The following MBD5 variants were observed in gnomAD, a reference collection of about 807,000 sequenced individuals.
The protein encoded by MBD5 is methyl-CpG binding domain protein 5, also known as methyl-CpG-binding domain protein 5.
A neutral mutation model predicts 117.3 loss-of-function variants in MBD5; 13 were observed. That is an observed-to-expected ratio of 0.11 (90% CI 0.07 to 0.18). MBD5 has a LOEUF of 0.18. MBD5 is among the 10% of genes least tolerant of loss of function. The pLI, the probability that MBD5 is intolerant of heterozygous loss-of-function variation, is 1.00. For synonymous variants in MBD5, 727 were observed against 766.4 expected, an observed-to-expected ratio of 0.95 and a Z score of 0.85; for missense variants, 1,879 against 2,093.8, an observed-to-expected ratio of 0.90 and a Z score of 2.00.
At chr2:148,064,840 GA>G (rs1573973328) in intron 1 of MBD5, among the ~76,000 whole-genome samples, 1 of 151,980 alleles carries the variant, frequency 6.6e-6, no homozygotes, top group Non-Finnish European at 1.5e-5. Context: ...ATTGATGTAT[GA>G]AAAACAGAAT....
chr2:148,457,162 T>C (rs1028383807), intron 4 of MBD5, among the ~76,000 whole-genome samples: 2 of 152,164 alleles, frequency 1.3e-5, no homozygotes, highest in African/African-American at 4.8e-5. Flanking sequence ...TTTAACACAG[T>C]TTTTCAGAGT....
intron 1 of MBD5, among the ~76,000 whole-genome samples, chr2:148,068,201 G>T (rs1362201268): frequency 1.3e-5 from 2 of 152,020 alleles, no homozygotes; most frequent in Non-Finnish European, 2.9e-5. Flanking sequence ...CGATCTAAGA[G>T]GCCAGGAAAA....
intron 2 of MBD5, among the ~76,000 whole-genome samples, chr2:148,210,484 G>C (rs1424531516): frequency 6.6e-6 from 1 of 151,352 alleles, no homozygotes; most frequent in African/African-American, 2.4e-5. Context: ...TTTTAATATT[G>C]TTAAACTTTT....
At chr2:148,441,133 C>T (rs60061051) in intron 4 of MBD5, among the ~76,000 whole-genome samples, 39,315 of 151,702 alleles carry the variant, frequency 0.26, 6,093 homozygotes, top group African/African-American at 0.43. Flanking sequence ...ACTTTAAGTT[C>T]TAGGGTACAT....
intron 7 of MBD5, 45 bp from the exon 8 acceptor site, chr2:148,468,296 G>T: frequency 6.5e-7 from 1 of 1,530,032 alleles, no homozygotes; most frequent in Non-Finnish European, 9.0e-7. Flanking sequence ...CACCACAAAA[G>T]AGTTGAGACT....
chr2:148,242,710 G>A (rs1190636658), intron 3 of MBD5, among the ~76,000 whole-genome samples: 1 of 152,106 alleles, frequency 6.6e-6, no homozygotes, highest in Non-Finnish European at 1.5e-5. Context: ...TATATAATGA[G>A]CTATTCTATT....
chr2:148,474,843 C>T (rs758373567), intron 8 of MBD5, among the ~76,000 whole-genome samples: 14 of 152,056 alleles, frequency 9.2e-5, no homozygotes, highest in Admixed American at 2.0e-4. Flanking sequence ...CACAAAAGAA[C>T]ACTTTGGGTA....
At chr2:148,407,913 A>G (rs141175184) in intron 4 of MBD5, among the ~76,000 whole-genome samples, 62 of 152,294 alleles carry the variant, frequency 4.1e-4, no homozygotes, top group South Asian at 2.3e-3. Context: ...TTCTGACAAA[A>G]ACAACCAATC....
intron 4 of MBD5, among the ~76,000 whole-genome samples, chr2:148,379,385 G>C (rs967908220): frequency 6.6e-6 from 1 of 151,974 alleles, no homozygotes; most frequent in Non-Finnish European, 1.5e-5. Flanking sequence ...GAAAATACTT[G>C]TCAACCTAAG....
At chr2:148,450,038 T>C (rs1432535183) in intron 4 of MBD5, among the ~76,000 whole-genome samples, 1 of 152,106 alleles carries the variant, frequency 6.6e-6, no homozygotes, top group Non-Finnish European at 1.5e-5. Flanking sequence ...TATAATTATA[T>C]GTATAATTTT....
intron 4 of MBD5, among the ~76,000 whole-genome samples, chr2:148,362,185 C>G (rs1703558865): frequency 1.3e-5 from 2 of 152,224 alleles, no homozygotes. Context: ...GCCAAGTGGT[C>G]TAGCTCAGCG....
chr2:148,196,982 A>G (rs900242166), intron 2 of MBD5, among the ~76,000 whole-genome samples: 2 of 152,146 alleles, frequency 1.3e-5, no homozygotes, highest in Non-Finnish European at 2.9e-5. Flanking sequence ...GGCAACTTAT[A>G]TTTGCCAAAA....
At chr2:148,328,416 A>T (rs1476144366) in intron 3 of MBD5, among the ~76,000 whole-genome samples, 1 of 152,200 alleles carries the variant, frequency 6.6e-6, no homozygotes, top group Non-Finnish European at 1.5e-5. Context: ...AAGCCTGGGC[A>T]ATGGTGGGCG....
chr2:148,410,533 A>C (rs1705218754), intron 4 of MBD5, among the ~76,000 whole-genome samples: 1 of 152,184 alleles, frequency 6.6e-6, no homozygotes, highest in Admixed American at 6.5e-5. Context: ...TGGCTCAAGC[A>C]ATCCTCCTGC....
chr2:148,219,616 A>G (rs915606757), intron 2 of MBD5, among the ~76,000 whole-genome samples: 4 of 152,172 alleles, frequency 2.6e-5, no homozygotes, highest in African/African-American at 9.7e-5. Flanking sequence ...AATGTCCAAT[A>G]AACGTTTGCT....
intron 4 of MBD5, among the ~76,000 whole-genome samples, chr2:148,369,528 A>G (rs1051129917): frequency 6.6e-6 from 1 of 152,200 alleles, no homozygotes; most frequent in African/African-American, 2.4e-5. Flanking sequence ...GATAGATGCT[A>G]AGATGACAAA....
intron 2 of MBD5, among the ~76,000 whole-genome samples, chr2:148,232,133 A>T (rs1700002362): frequency 6.6e-6 from 1 of 152,208 alleles, no homozygotes; most frequent in South Asian, 2.1e-4. Context: ...TTAAATCAAG[A>T]GTGTGCTTAG....
intron 4 of MBD5, among the ~76,000 whole-genome samples, chr2:148,441,351 C>T (rs575910292): frequency 2.0e-5 from 3 of 152,046 alleles, no homozygotes; most frequent in South Asian, 2.1e-4. Context: ...TGAGAACATG[C>T]GGTGTTTGGT....
At chr2:148,200,692 CAAA>C (rs770296644) in intron 2 of MBD5, among the ~76,000 whole-genome samples, 5 of 57,726 alleles carry the variant, frequency 8.7e-5, no homozygotes, top group Non-Finnish European at 3.7e-5. Flanking sequence ...GACTCTATCT[CAAA>C]AAAAAAAAAA....
Sources: allele counts gnomAD v4.1 joint callset (sites outside exome capture counted in the v4.1 genomes callset), GRCh38; gene constraint gnomAD v4.1.1; transcripts MANE v1.5; gene names NCBI Gene and HGNC (gene_info 2026-07-23, HGNC 2026-07-21).